Variants in NDUFS4 observed in about 807,000 individuals in gnomAD.
NDUFS4 encodes NADH dehydrogenase [ubiquinone] iron-sulfur protein 4, mitochondrial.
NDUFS4 carries 28 observed loss-of-function variants against 24.3 expected under a neutral mutation model. The observed-to-expected ratio is 1.15, with a 90% CI of 0.85 to 1.58. NDUFS4 has a LOEUF of 1.58. NDUFS4 is among the 40% of genes most tolerant of loss of function. The pLI is 0.00. For synonymous variants in NDUFS4, 93 were observed against 69.7 expected, an observed-to-expected ratio of 1.34 and a Z score of -1.67; for missense variants, 223 against 207.9, an observed-to-expected ratio of 1.07 and a Z score of -0.45.
chr5:53,569,838 C>G (rs1339049944), intron 1 of NDUFS4, among the ~76,000 whole-genome samples: 1 of 152,096 alleles, frequency 6.6e-6, no homozygotes, highest in Non-Finnish European at 1.5e-5. Flanking sequence ...CTTGGTACCC[C>G]TTAGGATGTT....
At chr5:53,654,491 CA>C (rs756536082) in intron 3 of NDUFS4, among the ~76,000 whole-genome samples, 1 of 151,960 alleles carries the variant, frequency 6.6e-6, no homozygotes, top group African/African-American at 2.4e-5. Flanking sequence ...TTTAAAATAA[CA>C]AAAGTGTTTA....
intron 1 of NDUFS4, among the ~76,000 whole-genome samples, chr5:53,576,955 A>G (rs1055799997): frequency 6.6e-6 from 1 of 151,932 alleles, no homozygotes; most frequent in East Asian, 1.9e-4. Context: ...TGTTTTGAGG[A>G]TTAGCAGTGT....
intron 4 of NDUFS4, among the ~76,000 whole-genome samples, chr5:53,679,134 A>G (rs1434610238): frequency 2.6e-5 from 4 of 152,164 alleles, no homozygotes; most frequent in Admixed American, 1.3e-4. Context: ...TTTAGTCTCT[A>G]TTGTGAATTG....
intron 2 of NDUFS4, among the ~76,000 whole-genome samples, chr5:53,635,801 A>G (rs1049158700): frequency 2.6e-5 from 4 of 152,218 alleles, no homozygotes; most frequent in Non-Finnish European, 4.4e-5. Flanking sequence ...TTTTCCTTAT[A>G]AAAATGCAAA....
At chr5:53,651,876 C>G (rs1378660279) in intron 3 of NDUFS4, among the ~76,000 whole-genome samples, 1 of 151,428 alleles carries the variant, frequency 6.6e-6, no homozygotes, top group Non-Finnish European at 1.5e-5. Flanking sequence ...GGGTTCATGC[C>G]ATTCTTCTGC....
At chr5:53,622,105 A>G (rs1015346596) in intron 2 of NDUFS4, among the ~76,000 whole-genome samples, 5 of 152,106 alleles carry the variant, frequency 3.3e-5, no homozygotes, top group African/African-American at 7.2e-5. Context: ...TGTTGCTCTT[A>G]ATTATTATAC....
intron 2 of NDUFS4, among the ~76,000 whole-genome samples, chr5:53,621,863 G>A (rs1029308622): frequency 7.9e-5 from 12 of 151,618 alleles, no homozygotes; most frequent in Admixed American, 2.0e-4. Context: ...CACCATGCCC[G>A]GCTAATTTTT....
chr5:53,588,110 C>T (rs1012872247), intron 1 of NDUFS4, among the ~76,000 whole-genome samples: 3 of 152,110 alleles, frequency 2.0e-5, no homozygotes, highest in Admixed American at 6.6e-5. Context: ...CATGGTAAAG[C>T]GAGTCACACA....
In NDUFS4 at chr5:53,638,323, G is replaced by A. The variant is rs537554940; in HGVS notation, c.178-7910G>A. Among the ~76,000 whole-genome samples, 83 of 152,102 alleles carry A rather than the reference G, an allele frequency of 5.5e-4. No homozygotes were observed. In the South Asian group the frequency reaches 7.5e-3, roughly 14 times the overall value. On this transcript the variant is annotated intron_variant, in intron 2 of 4. Coordinates refer to ENST00000296684, the MANE Select transcript of NDUFS4 (RefSeq NM_002495.4). ...GACCCTCTGGAAAGTTCCAAAATCA[G>A]AGGTTTAAAAGACATAATTTAGAAT...
intron 2 of NDUFS4, among the ~76,000 whole-genome samples, chr5:53,641,451 A>G (rs1445355511): frequency 1.3e-5 from 2 of 152,176 alleles, no homozygotes; most frequent in Admixed American, 6.5e-5. Context: ...CTTTTGGCTC[A>G]ATGATAGTTT....
intron 2 of NDUFS4, among the ~76,000 whole-genome samples, chr5:53,641,620 A>G (rs1373627517): frequency 1.3e-5 from 2 of 152,162 alleles, no homozygotes; most frequent in Admixed American, 6.6e-5. Context: ...ATCTGAATCT[A>G]TATGGCCCCT....
At chr5:53,615,655 T>G (rs1029418787) in intron 2 of NDUFS4, among the ~76,000 whole-genome samples, 2 of 152,102 alleles carry the variant, frequency 1.3e-5, no homozygotes, top group Non-Finnish European at 2.9e-5. Context: ...TCTAGAAATG[T>G]GTGAATAGGC....
intron 2 of NDUFS4, among the ~76,000 whole-genome samples, chr5:53,606,860 C>CA (rs1238093758): frequency 7.9e-5 from 12 of 152,172 alleles, no homozygotes; most frequent in Admixed American, 7.9e-4. Context: ...TATCAAATGG[C>CA]ATAGTATTTG....
At chr5:53,654,413 C>T (rs1752103724) in intron 3 of NDUFS4, among the ~76,000 whole-genome samples, 1 of 152,084 alleles carries the variant, frequency 6.6e-6, no homozygotes, top group African/African-American at 2.4e-5. Context: ...AGTGTGCACA[C>T]ATAACTTCTA....
chr5:53,651,929 G>A (rs190588317), intron 3 of NDUFS4, among the ~76,000 whole-genome samples: 1 of 151,946 alleles, frequency 6.6e-6, no homozygotes, highest in Non-Finnish European at 1.5e-5. Flanking sequence ...CCTGCACCAC[G>A]CCCGGCTAAT....
intron 4 of NDUFS4, among the ~76,000 whole-genome samples, chr5:53,659,779 T>TGGTGTTTTAGACATGAAGTC (rs1752274349): frequency 6.6e-6 from 1 of 152,178 alleles, no homozygotes; most frequent in African/African-American, 2.4e-5. Flanking sequence ...TATTTGCTTT[T>TGGTGTTTTAGACATGAAGTC]CTTTTTCACC....
intron 3 of NDUFS4, among the ~76,000 whole-genome samples, chr5:53,653,902 GA>G (rs1235246748): frequency 2.6e-5 from 4 of 151,976 alleles, no homozygotes; most frequent in African/African-American, 9.7e-5. Context: ...ATTTAAAGTT[GA>G]TTTTGCATAT....
intron 1 of NDUFS4, 42 bp from the exon 2 acceptor site, chr5:53,603,410 C>T (rs750909425): frequency 1.4e-6 from 2 of 1,413,320 alleles, no homozygotes; most frequent in South Asian, 1.2e-5. Context: ...TCTCTCCTCT[C>T]ATTGCCTGGA....
intron 3 of NDUFS4, among the ~76,000 whole-genome samples, chr5:53,648,213 G>C (rs1389996146): frequency 1.3e-5 from 2 of 152,064 alleles, no homozygotes; most frequent in Non-Finnish European, 2.9e-5. Context: ...TATGTGAGAT[G>C]AGCCGCCATG....
Sources: gnomAD v4.1 joint callset for allele counts (sites outside exome capture counted in the v4.1 genomes callset) on GRCh38, gnomAD v4.1.1 for gene constraint, MANE v1.5 for transcripts, NCBI Gene and HGNC (gene_info 2026-07-23, HGNC 2026-07-21) for gene names.